The following RDH13 variants were observed in gnomAD, a reference collection of about 807,000 sequenced individuals.
RDH13 encodes retinol dehydrogenase 13.
Under a neutral mutation model 28.3 loss-of-function variants are expected in RDH13, and 35 were observed. The observed-to-expected ratio is 1.24, with a 90% confidence interval of 0.95 to 1.64. The LOEUF (loss-of-function observed/expected upper bound fraction) is 1.64. Among genes scored for constraint, RDH13 ranks in the 40% most tolerant of loss-of-function variants. RDH13 has a pLI of 0.00. For missense variants in RDH13, 514 were observed against 446.3 expected (o/e 1.15, Z -1.37); for synonymous variants, 229 against 198.5 (o/e 1.15, Z -1.29).
At chr19:55,067,865 ATCTC>A (rs936180990), upstream of RDH13, 1 of 124,568 alleles carries the variant, frequency 8.0e-6, no homozygotes, top group Non-Finnish European at 1.7e-5. Flanking sequence ...GGTGCTATCA[ATCTC>A]TCTCTCATCT....
intron 3 of RDH13, among the ~76,000 whole-genome samples, chr19:55,051,154 C>T (rs1023258127): frequency 1.9e-4 from 29 of 152,336 alleles, no homozygotes; most frequent in Admixed American, 1.3e-3. Flanking sequence ...CCGTGTGGAC[C>T]GGACATTCCA....
chr19:55,046,004 T>C (rs2075217370), intron 6 of RDH13, among the ~76,000 whole-genome samples: 1 of 147,656 alleles, frequency 6.8e-6, no homozygotes, highest in Non-Finnish European at 1.5e-5. Flanking sequence ...TCCCAGCACT[T>C]TGGGAGGCTG....
intron 6 of RDH13, among the ~76,000 whole-genome samples, chr19:55,045,946 CA>C (rs11356856): frequency 0.49 from 43,466 of 89,220 alleles, 8,473 homozygotes; most frequent in East Asian, 0.63. Flanking sequence ...GACTTCGTCT[CA>C]AAAAAAAAAA....
At chr19:55,056,226 G>A (rs2075627770) in intron 3 of RDH13, among the ~76,000 whole-genome samples, 2 of 152,064 alleles carry the variant, frequency 1.3e-5, no homozygotes, top group South Asian at 4.1e-4. Context: ...CACTCTGGGA[G>A]GCTGAGGCAG....
chr19:55,063,157 C>T (rs2075866138), upstream of RDH13: 3 of 909,364 alleles, frequency 3.3e-6, no homozygotes, highest in South Asian at 3.2e-5. Context: ...GCAGGCGCGG[C>T]TGGGCCCGCG....
chr19:55,060,818 T>C (rs1355294316), intron 1 of RDH13, among the ~76,000 whole-genome samples: 2 of 152,152 alleles, frequency 1.3e-5, no homozygotes, highest in African/African-American at 2.4e-5. Context: ...AGCGAGACTC[T>C]GTCTCAAAAA....
intron 3 of RDH13, among the ~76,000 whole-genome samples, chr19:55,053,141 C>CTG (rs5828611): frequency 0.15 from 22,090 of 152,116 alleles, 1,828 homozygotes; most frequent in African/African-American, 0.22. Flanking sequence ...ATCTCACAAA[C>CTG]TGATCTTCCC....
In RDH13 at chr19:55,045,238, CCG is replaced by C; in HGVS notation, c.830_831del (p.Ala277GlyfsTer24). 1.2e-6 allele frequency: 2 copies of C among 1,613,428 alleles called. No homozygotes were observed. The highest frequency in any genetic ancestry group is 1.7e-6 in the Non-Finnish European group (2 of 1,180,040). On this transcript the variant is annotated frameshift_variant, in exon 7 of 7. Transcript: ENST00000415061. LOFTEE classifies it low-confidence loss of function (END_TRUNC). ...AAQPSTYLAV[A>X]EELADVSGKY... ...TTTCCGGAAACATCCGCCAGTTCCT[CCG>C]CCACGGCCAGGTATGTGCTGGGCTG...
Position 55,044,779 on chromosome 19 carries a change from A to C in RDH13, c.*295T>G. On this transcript the variant is annotated 3_prime_UTR_variant, in exon 7 of 7. Coordinates refer to ENST00000415061, the MANE Select transcript of RDH13 (RefSeq NM_001145971.2). The stretch of plus-strand genomic sequence containing the variant: ...GCTGGCTCTCCTGACGTGGCCTGCA[A>C]GTGCACGGAGCCCCTTCCTCCTCGG... 13 of 413,062 alleles carry C rather than the reference A, an allele frequency of 3.1e-5. No homozygotes were observed. The highest frequency in any genetic ancestry group is 3.0e-5 in the Non-Finnish European group (7 of 233,546). The allele number at this position is 413,062 out of a possible 1,614,324, so 25.6% of individuals were successfully genotyped here. A position where few individuals can be genotyped will look rare whatever the true frequency, so the allele number is the denominator to read the frequency against.
rs1454205409 is a variant in RDH13, at chr19:55,063,101, T to G, written c.-69A>C. On this transcript the variant is annotated 5_prime_UTR_variant, in exon 1 of 7. Coordinates refer to ENST00000415061, the MANE Select transcript of RDH13 (RefSeq NM_001145971.2). Reference sequence around the variant, plus strand: ...GCTTGCTGCACACCAGCCGCCTGGGTAGCTCCGAGGAAGAGCGCGCGACGC... The same window carrying G: ...GCTTGCTGCACACCAGCCGCCTGGGGAGCTCCGAGGAAGAGCGCGCGACGC... The G allele has an allele frequency of 8.1e-7, 1 of 1,234,206 alleles. No individual in the cohort carries two copies. The highest frequency in any genetic ancestry group is 1.0e-6 in the Non-Finnish European group (1 of 967,506). The allele number at this position is 1,234,206 out of a possible 1,614,324, so 76.5% of individuals were successfully genotyped here. A position where few individuals can be genotyped will look rare whatever the true frequency, so the allele number is the denominator to read the frequency against.
At chr19:55,048,087 A>G in intron 5 of RDH13, 1 of 1,501,910 alleles carries the variant, frequency 6.7e-7, no homozygotes, top group South Asian at 1.3e-5. Flanking sequence ...CAACAGCAGC[A>G]GGGAAGGACA....
At chr19:55,052,416 T>C (rs905282965) in intron 3 of RDH13, among the ~76,000 whole-genome samples, 2 of 151,030 alleles carry the variant, frequency 1.3e-5, no homozygotes, top group African/African-American at 4.9e-5. Flanking sequence ...TGGTGGCGCA[T>C]GCCTGTAATC....
intron 3 of RDH13, among the ~76,000 whole-genome samples, chr19:55,056,276 C>T (rs2075629484): frequency 2.6e-5 from 4 of 152,064 alleles, no homozygotes; most frequent in African/African-American, 9.7e-5. Context: ...CCAGCCTGGC[C>T]AACGTGGTGA....
chr19:55,056,319 C>T (rs2075630809), intron 3 of RDH13, among the ~76,000 whole-genome samples: 1 of 152,024 alleles, frequency 6.6e-6, no homozygotes. Context: ...CAAAAATTAG[C>T]AGGGTATGGT....
At chr19:55,065,753 C>T (rs920641734), upstream of RDH13, among the ~76,000 whole-genome samples, 5 of 149,502 alleles carry the variant, frequency 3.3e-5, 1 homozygote, top group African/African-American at 9.7e-5. Flanking sequence ...AGTCTCTCTC[C>T]GATGCCCAGG....
chr19:55,045,128 G>A lies in RDH13; in HGVS notation c.942C>T (p.Ala314=), dbSNP rs199855770. 1.0e-4 allele frequency: 167 copies of A among 1,613,504 alleles called. No homozygotes were observed. In the African/African-American group the frequency reaches 1.9e-3, roughly 18 times the overall value. The change falls in exon 7 of 7, where the codon GCC becomes GCT. Residue 314 remains alanine, a synonymous_variant. Coordinates refer to ENST00000415061, the MANE Select transcript of RDH13 (RefSeq NM_001145971.2). ...EVARRLWAES[A]RLVGLEAPSV... is the part of the protein sequence containing the mutation. ...AGGGAGCCTCTAAGCCCACCAGGCG[G>A]GCACTTTCAGCCCAAAGCCTCCGGG...
chr19:55,048,296 G>T (rs775989118), intron 5 of RDH13, 33 bp downstream of exon 5: 60 of 1,612,578 alleles, frequency 3.7e-5, no homozygotes, highest in African/African-American at 5.3e-5. Context: ...TCAGAGTAAA[G>T]CAAGAGGGAG....
rs370712723 is a variant in RDH13 at position 55,056,743 on chromosome 19, C to T, written c.250G>A (p.Gly84Arg). Residue 84 changes from glycine to arginine, a missense_variant, in exon 3 of 7, where the codon GGG becomes AGG. Transcript: ENST00000415061. The stretch of plus-strand genomic sequence containing the variant: ...TTGACATGGTGATTGAGGGTCTCCC[C>T]GCGGATGTCCTTTGCTGCCGCCTCA... ...KCEAAAKDIRGETLNHHVNAR... is the reference protein window; with the variant it reads ...KCEAAAKDIRRETLNHHVNAR... 25 of 1,613,924 alleles carry T rather than the reference C, an allele frequency of 1.5e-5. No homozygotes were observed. The highest frequency in any genetic ancestry group is 1.6e-4 in the Middle Eastern group (1 of 6,084).
chr19:55,065,314 G>T (rs1222359545), upstream of RDH13, among the ~76,000 whole-genome samples: 1 of 151,570 alleles, frequency 6.6e-6, no homozygotes, highest in Non-Finnish European at 1.5e-5. Flanking sequence ...AGCCCAGGAG[G>T]TCAAGGCTAT....
Sources: allele counts gnomAD v4.1 joint callset (sites outside exome capture counted in the v4.1 genomes callset), GRCh38; gene constraint gnomAD v4.1.1; transcripts MANE v1.5; gene names NCBI Gene and HGNC (gene_info 2026-07-23, HGNC 2026-07-21).